The following PGGT1B variants were observed in gnomAD, a reference collection of about 807,000 sequenced individuals.
PGGT1B encodes the protein geranylgeranyl transferase type-1 subunit beta.
A neutral mutation model predicts 46.1 loss-of-function variants in PGGT1B; 30 were observed. That is an observed-to-expected ratio of 0.65 (90% CI 0.49 to 0.88). PGGT1B has a LOEUF of 0.88. Among genes scored for constraint, PGGT1B ranks in the 40% least tolerant of loss-of-function variants. PGGT1B has a pLI of 0.00. For missense variants in PGGT1B, 376 were observed against 455.9 expected, an observed-to-expected ratio of 0.82 and a Z score of 1.60; for synonymous variants, 170 against 160.0, an observed-to-expected ratio of 1.06 and a Z score of -0.47.
chr5:115,241,284 C>T (rs1561480695), intron 3 of PGGT1B, among the ~76,000 whole-genome samples: 1 of 152,070 alleles, frequency 6.6e-6, no homozygotes, highest in Non-Finnish European at 1.5e-5. Flanking sequence ...TTTTTTGTAA[C>T]AATTAATAGA....
At position 115,253,199 on chromosome 5, in the gene PGGT1B, A is replaced by T. The variant is rs758060106; in HGVS notation, c.197T>A (p.Val66Glu). Reference protein sequence around the residue: ...SGLDMLDSLDVVNKDDIIEWI... With the variant: ...SGLDMLDSLDEVNKDDIIEWI... ...CTCTATTATATCATCTTTGTTCACC[A>T]CATCTAAGGAATCCAACATATCCAG... The change falls in exon 2 of 9, where the codon GTG becomes GAG. Residue 66 changes from valine to glutamate, a missense_variant. Coordinates refer to ENST00000419445, the MANE Select transcript of PGGT1B (RefSeq NM_005023.4). 3.1e-6 allele frequency: 5 copies of T among 1,602,030 alleles called. No homozygotes were observed. The South Asian group carries it at 3.4e-5, about 11-fold the overall frequency.
At chr5:115,213,763 C>A (rs1756320120) in intron 8 of PGGT1B, among the ~76,000 whole-genome samples, 1 of 152,118 alleles carries the variant, frequency 6.6e-6, no homozygotes, top group Non-Finnish European at 1.5e-5. Flanking sequence ...AATAATGAAA[C>A]CCTGTCTCAA....
At chr5:115,236,966 T>C (rs1367582694) in intron 4 of PGGT1B, among the ~76,000 whole-genome samples, 2 of 152,200 alleles carry the variant, frequency 1.3e-5, no homozygotes, top group African/African-American at 4.8e-5. Context: ...AACCATTTAA[T>C]CGATTGATCA....
At chr5:115,234,366 G>C (rs1263776230) in intron 5 of PGGT1B, among the ~76,000 whole-genome samples, 4 of 151,994 alleles carry the variant, frequency 2.6e-5, no homozygotes, top group Non-Finnish European at 5.9e-5. Context: ...AAGATGTTAA[G>C]TATGGGAGTT....
chr5:115,247,372 T>C (rs901846139), intron 2 of PGGT1B, among the ~76,000 whole-genome samples: 3 of 152,174 alleles, frequency 2.0e-5, no homozygotes, highest in Non-Finnish European at 4.4e-5. Context: ...TGGGCCAAAA[T>C]ATCACCATAC....
chr5:115,219,591 T>C (rs1372467012), intron 7 of PGGT1B, among the ~76,000 whole-genome samples: 1 of 151,784 alleles, frequency 6.6e-6, no homozygotes, highest in Non-Finnish European at 1.5e-5. Flanking sequence ...AGAAAAATTT[T>C]GATAAAATTG....
intron 4 of PGGT1B, among the ~76,000 whole-genome samples, chr5:115,236,947 T>A (rs1227882616): frequency 6.6e-6 from 1 of 152,172 alleles, no homozygotes; most frequent in African/African-American, 2.4e-5. Flanking sequence ...TCTAAATGTA[T>A]ACACAGATAA....
At chr5:115,239,259 G>T (rs1757279063) in intron 3 of PGGT1B, among the ~76,000 whole-genome samples, 1 of 152,102 alleles carries the variant, frequency 6.6e-6, no homozygotes, top group Non-Finnish European at 1.5e-5. Flanking sequence ...GCCCAGGCTG[G>T]TCTCAAACTC....
rs1234343224 is a variant in PGGT1B, at chr5:115,212,322, G to C, written c.*80C>G. The C allele has an allele frequency of 1.3e-5, 21 of 1,587,744 alleles. No individual in the cohort carries two copies. The South Asian group carries it at 2.2e-4, about 16-fold the overall frequency. On this transcript the variant is annotated 3_prime_UTR_variant, in exon 9 of 9. Coordinates refer to ENST00000419445, the MANE Select transcript of PGGT1B (RefSeq NM_005023.4). The stretch of plus-strand genomic sequence containing the variant: ...TAAGACTCTACCTTTTAAAAAAAGA[G>C]CACACTTGGTTATACATGGCTTTTA...
chr5:115,257,441 T>C (rs1020958541), intron 1 of PGGT1B, among the ~76,000 whole-genome samples: 1 of 143,650 alleles, frequency 7.0e-6, no homozygotes, highest in Non-Finnish European at 1.5e-5. Flanking sequence ...TTGAACCCAG[T>C]AGGTGGAGGT....
intron 6 of PGGT1B, among the ~76,000 whole-genome samples, chr5:115,223,388 T>A (rs548791810): frequency 6.6e-6 from 1 of 152,128 alleles, no homozygotes; most frequent in African/African-American, 2.4e-5. Context: ...TGGGCCCTAA[T>A]TGTACTCACA....
intron 8 of PGGT1B, 117 bp from the exon 9 acceptor site, chr5:115,212,700 G>A (rs1756272651): frequency 3.3e-6 from 2 of 607,858 alleles, no homozygotes; most frequent in African/African-American, 1.9e-5. Context: ...TTAGAGAAAT[G>A]CTAATATAGT....
chr5:115,248,333 T>C (rs1190539529), intron 2 of PGGT1B, among the ~76,000 whole-genome samples: 1 of 152,218 alleles, frequency 6.6e-6, no homozygotes, highest in Non-Finnish European at 1.5e-5. Context: ...AAAACTGCAT[T>C]CTAATCTTGT....
intron 2 of PGGT1B, among the ~76,000 whole-genome samples, chr5:115,244,729 T>C (rs1747735977): frequency 6.6e-6 from 1 of 151,806 alleles, no homozygotes; most frequent in Non-Finnish European, 1.5e-5. Flanking sequence ...TAGCTAGGAC[T>C]ACAGGCATGA....
At chr5:115,214,979 T>C (rs1203831424) in intron 8 of PGGT1B, among the ~76,000 whole-genome samples, 2 of 152,212 alleles carry the variant, frequency 1.3e-5, no homozygotes, top group Non-Finnish European at 2.9e-5. Flanking sequence ...ATGTACACTT[T>C]CTCTAAGAAG....
chr5:115,223,460 A>G (rs1756651385), intron 6 of PGGT1B, among the ~76,000 whole-genome samples: 1 of 152,148 alleles, frequency 6.6e-6, no homozygotes, highest in South Asian at 2.1e-4. Context: ...CAATGCAACT[A>G]TGGTGCCAGA....
rs1481773160 is a variant in PGGT1B, at chr5:115,206,393, A to AT, written c.*6008dup. 6.6e-6 allele frequency: 1 copy of AT among 151,970 alleles called. No individual in the cohort carries two copies. The highest frequency in any genetic ancestry group is 2.4e-5 in the African/African-American group (1 of 41,442). The allele number at this position is 151,970 out of a possible 1,614,324, so 9.4% of individuals were successfully genotyped here. ...AGGTTCAAAGTGAAATAAGCTATAT[A>AT]TTTTTTAAAATTGTAAATATCTGAA... On this transcript the variant is annotated 3_prime_UTR_variant, in exon 9 of 9. Transcript: ENST00000419445.
chr5:115,231,001 T>G lies in PGGT1B; in HGVS notation c.633A>C (p.Ala211=). 3.2e-6 allele frequency: 5 copies of G among 1,572,770 alleles called. No homozygotes were observed. Among genetic ancestry groups the G allele is most frequent in the Non-Finnish European group, 3.5e-6 (4 of 1,151,058 alleles). ...CATGAGATTCAAGTCCAGCTCCCTG[T>G]GCCAGTCCATTGTCATAGGACTGAA... ...RRSMSYDNGL[A]QGAGLESHGG... is the part of the protein sequence containing the mutation. Residue 211 remains alanine (A), a synonymous_variant, in exon 6 of 9, where the codon GCA becomes GCC. Transcript: ENST00000419445.
intron 6 of PGGT1B, 54 bp from the exon 7 acceptor site, chr5:115,222,062 A>C: frequency 9.5e-7 from 1 of 1,047,430 alleles, no homozygotes; most frequent in Non-Finnish European, 1.3e-6. Context: ...GCTTATGAAA[A>C]TAGTACAAAA....
Sources: gnomAD v4.1 joint callset for allele counts (sites outside exome capture counted in the v4.1 genomes callset) on GRCh38, gnomAD v4.1.1 for gene constraint, MANE v1.5 for transcripts, NCBI Gene and HGNC (gene_info 2026-07-23, HGNC 2026-07-21) for gene names.